Variants in CEP78 observed in about 807,000 individuals in gnomAD.
CEP78 encodes centrosomal protein 78.
Under a neutral mutation model 81.2 loss-of-function variants are expected in CEP78, and 76 were observed. That is an observed-to-expected ratio of 0.94 (90% CI 0.78 to 1.13). The LOEUF is 1.13. CEP78 is among the 50% of genes most tolerant of loss of function. The pLI, the probability that CEP78 is intolerant of heterozygous loss-of-function variation, is 0.00. For synonymous variants in CEP78, 293 were observed against 301.4 expected (o/e 0.97, Z 0.29); for missense variants, 918 against 846.8 (o/e 1.08, Z -1.04).
chr9:78,255,409 C>G (rs1048236228), intron 11 of CEP78, among the ~76,000 whole-genome samples: 30 of 151,826 alleles, frequency 2.0e-4, no homozygotes, highest in African/African-American at 7.0e-4. Flanking sequence ...AGTAATTATC[C>G]TTTTTTTATA....
At chr9:78,266,328 C>A in intron 15 of CEP78, 114 bp from the exon 16 acceptor site, 1 of 799,550 alleles carries the variant, frequency 1.3e-6, no homozygotes, top group Non-Finnish European at 1.9e-6. Flanking sequence ...ATAATTAGGG[C>A]AAAAATGACC....
In CEP78 at chr9:78,252,021, G is replaced by C; in HGVS notation, c.1183G>C (p.Ala395Pro). The C allele has an allele frequency of 6.3e-7, 1 of 1,594,968 alleles. No homozygotes were observed. The highest frequency in any genetic ancestry group is 8.6e-7 in the Non-Finnish European group (1 of 1,166,332). The change falls in exon 9 of 17, where the codon GCA becomes CCA. Residue 395 changes from alanine (A) to proline (P), a missense_variant. Ala to Pro is a conservative substitution (Grantham distance 27). Transcript: ENST00000643273. ...GTCTGGTTTCTTGCCGTGGCGTACT[G>C]CAGAACGTGCAAAAAGACACAGGTA... ...GVSGFLPWRT[A>P]ERAKRHRGFP...
At chr9:78,245,943 GGAATTT>G (rs1211558128) in intron 5 of CEP78, among the ~76,000 whole-genome samples, 5 of 151,948 alleles carry the variant, frequency 3.3e-5, no homozygotes, top group Admixed American at 6.6e-5. Context: ...AGAGTCACTT[GGAATTT>G]GAATTTGAAT....
intron 16 of CEP78, 90 bp downstream of exon 16, chr9:78,266,793 G>A (rs766200598): frequency 3.9e-6 from 6 of 1,521,602 alleles, no homozygotes; most frequent in Non-Finnish European, 5.3e-6. Context: ...GAAAAGCAAA[G>A]AAACTAGGGA....
In CEP78 at chr9:78,236,089, C is replaced by A. The variant is rs1041906384; in HGVS notation, c.-262C>A. On this transcript the variant is annotated 5_prime_UTR_variant, in exon 1 of 17. Coordinates refer to ENST00000643273, the MANE Select transcript of CEP78 (RefSeq NM_001330691.3). Reference sequence around the variant, plus strand: ...CACCGCCCACCGGCTTGAATCCCGGCGCCTCAGAGGACTATGAGGCGGGCG... The same window carrying A: ...CACCGCCCACCGGCTTGAATCCCGGAGCCTCAGAGGACTATGAGGCGGGCG... 4 of 487,700 alleles carry A rather than the reference C, an allele frequency of 8.2e-6. No individual in the cohort carries two copies. Among genetic ancestry groups the A allele is most frequent in the African/African-American group, 2.1e-5 (1 of 48,166 alleles). The allele number at this position is 487,700 out of a possible 1,614,324, so 30.2% of individuals were successfully genotyped here. A position where few individuals can be genotyped will look rare whatever the true frequency, so the allele number is the denominator to read the frequency against.
chr9:78,248,052 A>G (rs1449588447), intron 6 of CEP78, among the ~76,000 whole-genome samples: 1 of 152,154 alleles, frequency 6.6e-6, no homozygotes, highest in African/African-American at 2.4e-5. Flanking sequence ...AAGTGTTTAC[A>G]TTTGATCTTT....
intron 14 of CEP78, 86 bp downstream of exon 14, chr9:78,265,629 C>T (rs933613977): frequency 1.6e-6 from 2 of 1,269,874 alleles, no homozygotes; most frequent in East Asian, 2.5e-5. Context: ...GAATAATGAT[C>T]TGTGCACATG....
intron 11 of CEP78, 28 bp downstream of exon 11, chr9:78,254,992 GAGA>G: frequency 6.3e-7 from 1 of 1,583,794 alleles, no homozygotes; most frequent in Non-Finnish European, 8.6e-7. Flanking sequence ...TAAAGATATG[GAGA>G]AGATCATTTC....
intron 6 of CEP78, among the ~76,000 whole-genome samples, chr9:78,247,525 C>T (rs144575681): frequency 9.8e-5 from 15 of 152,288 alleles, no homozygotes; most frequent in African/African-American, 3.4e-4. Flanking sequence ...GACAACTAGC[C>T]AGGGGCCTGA....
At chr9:78,244,262 G>A (rs1183530649) in intron 5 of CEP78, among the ~76,000 whole-genome samples, 1 of 149,468 alleles carries the variant, frequency 6.7e-6, no homozygotes, top group Non-Finnish European at 1.5e-5. Context: ...TATACCCTCC[G>A]AGTAGCTGGC....
At position 78,264,282 on chromosome 9, in the gene CEP78, T is replaced by A; in HGVS notation, c.1591T>A (p.Phe531Ile). 6.2e-7 allele frequency: 1 copy of A among 1,613,298 alleles called. No individual in the cohort carries two copies. The highest frequency in any genetic ancestry group is 8.5e-7 in the Non-Finnish European group (1 of 1,179,534). Residue 531 changes from phenylalanine (F) to isoleucine (I), a missense_variant, in exon 13 of 17, where the codon TTT (phenylalanine) becomes ATT (isoleucine). Coordinates refer to ENST00000643273, the MANE Select transcript of CEP78 (RefSeq NM_001330691.3). ...LGSIENSFQK[F>I]HAFLDLLKDA... ...CAGCATTGAGAATTCTTTTCAGAAGTTTCATGCTTTCTTGGATCTCCTTAA... is the reference window on the plus strand; with the variant it reads ...CAGCATTGAGAATTCTTTTCAGAAGATTCATGCTTTCTTGGATCTCCTTAA...
At chr9:78,267,613 A>G (rs1384866110) in intron 16 of CEP78, among the ~76,000 whole-genome samples, 4 of 152,188 alleles carry the variant, frequency 2.6e-5, no homozygotes, top group Admixed American at 6.5e-5. Flanking sequence ...TAGGGCTGGG[A>G]TCTCAACCAG....
chr9:78,252,395 TA>T, intron 9 of CEP78, among the ~76,000 whole-genome samples: 1 of 152,310 alleles, frequency 6.6e-6, no homozygotes, highest in Non-Finnish European at 1.5e-5. Context: ...AAGGGCATTG[TA>T]AAGCATAGGA....
chr9:78,266,889 G>C (rs1564000243), intron 16 of CEP78, 186 bp downstream of exon 16: 1 of 1,432,892 alleles, frequency 7.0e-7, no homozygotes, highest in Non-Finnish European at 9.1e-7. Context: ...AATAGTGACT[G>C]TTTCATCCAA....
In CEP78 at chr9:78,264,255, G is replaced by GGCA; in HGVS notation, c.1568_1570dup (p.Ser523dup). 5 of 1,612,246 alleles carry GGCA rather than the reference G, an allele frequency of 3.1e-6. No homozygotes were observed. The highest frequency in any genetic ancestry group is 4.2e-6 in the Non-Finnish European group (5 of 1,179,044). On this transcript the variant is annotated inframe_insertion, in exon 13 of 17. Transcript: ENST00000643273. Reference sequence around the variant, plus strand: ...GATCCTGGATGATGAAGGTGTTTTGGGCAGCATTGAGAATTCTTTTCAGAA... The same window carrying GGCA: ...GATCCTGGATGATGAAGGTGTTTTGGGCAGCAGCATTGAGAATTCTTTTCAGAA...
chr9:78,262,746 C>T (rs946451296), intron 11 of CEP78, among the ~76,000 whole-genome samples, 161 bp from the exon 12 acceptor site: 1 of 151,862 alleles, frequency 6.6e-6, no homozygotes, highest in African/African-American at 2.4e-5. Context: ...AATTAATTTC[C>T]CTAGCATGGT....
intron 6 of CEP78, among the ~76,000 whole-genome samples, chr9:78,247,593 C>T (rs1826554458): frequency 6.6e-6 from 1 of 152,084 alleles, no homozygotes; most frequent in African/African-American, 2.4e-5. Flanking sequence ...GAGCTGAAAA[C>T]CATGGGAGGA....
At position 78,278,664 on chromosome 9, in the gene CEP78, G is replaced by C. The variant is rs956715116; in HGVS notation, c.*7813G>C. 2.6e-5 allele frequency: 4 copies of C among 152,154 alleles called. No individual in the cohort carries two copies. The highest frequency in any genetic ancestry group is 9.7e-5 in the African/African-American group (4 of 41,430). The allele number at this position is 152,154 out of a possible 1,614,324, so 9.4% of individuals were successfully genotyped here. A position where few individuals can be genotyped will look rare whatever the true frequency, so the allele number is the denominator to read the frequency against. ...TCAAACATCTGCTCTGTTTACCCCT[G>C]ACAAAACTGCTACTCGTGGGGCAAT... On this transcript the variant is annotated 3_prime_UTR_variant, in exon 17 of 17. Coordinates refer to ENST00000643273, the MANE Select transcript of CEP78 (RefSeq NM_001330691.3).
chr9:78,269,380 A>G (rs1387406363), intron 16 of CEP78, among the ~76,000 whole-genome samples: 1 of 152,228 alleles, frequency 6.6e-6, no homozygotes, highest in East Asian at 1.9e-4. Flanking sequence ...TGCAGATTTC[A>G]GGAGGAAATG....
Sources: gnomAD v4.1 joint callset for allele counts (sites outside exome capture counted in the v4.1 genomes callset) on GRCh38, gnomAD v4.1.1 for gene constraint, MANE v1.5 for transcripts, NCBI Gene and HGNC (gene_info 2026-07-23, HGNC 2026-07-21) for gene names.